TRPM3: variants seen among roughly 807,000 people sequenced by gnomAD.
TRPM3 encodes the protein long transient receptor potential channel 3.
A neutral mutation model predicts 181.2 loss-of-function variants in TRPM3; 77 were observed. The ratio of observed to expected loss-of-function variants is 0.42; its 90% CI spans 0.35 to 0.51. The LOEUF is 0.51. Ranked by LOEUF, TRPM3 falls within the 20% of genes least tolerant of loss-of-function variation. TRPM3 has a pLI of 0.01. For missense variants in TRPM3, 1,759 were observed against 2,196.7 expected, an observed-to-expected ratio of 0.80 and a Z score of 3.98; for synonymous variants, 745 against 796.4, an observed-to-expected ratio of 0.94 and a Z score of 1.09.
At chr9:70,929,374 A>G (rs1474605125) in intron 1 of TRPM3, among the ~76,000 whole-genome samples, 1 of 151,694 alleles carries the variant, frequency 6.6e-6, no homozygotes, top group East Asian at 1.9e-4. Flanking sequence ...GCTGATTTTT[A>G]TACTTTTAGT....
In TRPM3 at chr9:70,743,446, C is replaced by T. The variant is rs146185638; in HGVS notation, c.1272+18155G>A. ...TATATATGCAAATGAAAACATATCT[C>T]GGAAAACAAAAAGATGAATTTACAT... On this transcript the variant is annotated intron_variant, in intron 8 of 25. Transcript: ENST00000677713. 7.9e-4 allele frequency among the ~76,000 whole-genome samples: 120 copies of T among 152,148 alleles called. 2 individuals are homozygous for T. Among genetic ancestry groups the T allele is most frequent in the South Asian group, 3.3e-3 (16 of 4,816 alleles).
chr9:70,578,182 C>G (rs1220044829), intron 22 of TRPM3, among the ~76,000 whole-genome samples: 1 of 151,818 alleles, frequency 6.6e-6, no homozygotes, highest in Non-Finnish European at 1.5e-5. Context: ...GTTTGATTCC[C>G]CTTTGCGCTT....
chr9:70,680,051 C>G (rs188040518), intron 9 of TRPM3, among the ~76,000 whole-genome samples: 1 of 152,252 alleles, frequency 6.6e-6, no homozygotes, highest in Admixed American at 6.5e-5. Context: ...GATTGCAAAA[C>G]TTCTAAGTCG....
At chr9:70,665,550 G>C (rs977501459) in intron 9 of TRPM3, among the ~76,000 whole-genome samples, 1 of 152,164 alleles carries the variant, frequency 6.6e-6, no homozygotes, top group Non-Finnish European at 1.5e-5. Context: ...CTGCCATAAA[G>C]TCAGTCAGTA....
chr9:71,164,621 CAGTGA>C (rs2076446134), intron 1 of TRPM3, among the ~76,000 whole-genome samples: 1 of 151,954 alleles, frequency 6.6e-6, no homozygotes, highest in Non-Finnish European at 1.5e-5. Context: ...AGACAATTGT[CAGTGA>C]TTTTAAGGAG....
At chr9:70,953,348 C>G (rs2097025979) in intron 1 of TRPM3, among the ~76,000 whole-genome samples, 1 of 152,096 alleles carries the variant, frequency 6.6e-6, no homozygotes, top group Admixed American at 6.6e-5. Flanking sequence ...ATGAACCAGT[C>G]AGCCTTAGGG....
chr9:70,889,900 A>G (rs1589562057), intron 1 of TRPM3, among the ~76,000 whole-genome samples: 1 of 149,452 alleles, frequency 6.7e-6, no homozygotes, highest in East Asian at 1.9e-4. Context: ...CAGTATATAT[A>G]GTAAACAACA....
At chr9:71,291,189 T>G (rs1190750267) in intron 1 of TRPM3, among the ~76,000 whole-genome samples, 2 of 152,260 alleles carry the variant, frequency 1.3e-5, no homozygotes, top group Non-Finnish European at 2.9e-5. Context: ...ATAATTAAAC[T>G]GAAATCTTAA....
At chr9:71,377,326 A>G (rs2309898) in intron 1 of TRPM3, among the ~76,000 whole-genome samples, 74,128 of 151,868 alleles carry the variant, frequency 0.49, 19,131 homozygotes, top group East Asian at 0.6. Flanking sequence ...ATTAACCACC[A>G]TCCAAACACA....
At chr9:71,304,430 G>A (rs752513057) in intron 1 of TRPM3, among the ~76,000 whole-genome samples, 1 of 152,104 alleles carries the variant, frequency 6.6e-6, no homozygotes, top group Admixed American at 6.6e-5. Flanking sequence ...TGTAAGGACT[G>A]GTTTAAGCTG....
At position 70,553,210 on chromosome 9, in the gene TRPM3, G is replaced by A. The variant is rs772377550; in HGVS notation, c.3324C>T (p.Tyr1108=). The A allele has an allele frequency of 1.1e-4, 180 of 1,613,962 alleles. No homozygotes were observed. The highest frequency in any genetic ancestry group is 1.5e-4 in the Non-Finnish European group (174 of 1,180,032). ...CCAGCAAGATGTTTGCCACTAAGAG[G>A]TAGCAGGCCATGATGGCCGGCACGA... ...AWIVPAIMAC[Y]LLVANILLVN... Residue 1108 remains tyrosine (Y), a synonymous_variant, in exon 23 of 26, where the codon TAC becomes TAT. Coordinates refer to ENST00000677713, the MANE Select transcript of TRPM3 (RefSeq NM_001366145.2).
At chr9:70,745,230 T>C (rs559697013) in intron 8 of TRPM3, among the ~76,000 whole-genome samples, 36 of 152,260 alleles carry the variant, frequency 2.4e-4, no homozygotes, top group Non-Finnish European at 4.6e-4. Context: ...AACTAAGACA[T>C]ACGGAGGTTA....
At chr9:70,597,516 G>C (rs140714746) in intron 21 of TRPM3, among the ~76,000 whole-genome samples, 3 of 152,258 alleles carry the variant, frequency 2.0e-5, no homozygotes, top group Admixed American at 6.5e-5. Context: ...CTGGCTTCAG[G>C]CTCTGATTCT....
chr9:70,921,791 G>A (rs2096656124), intron 1 of TRPM3, among the ~76,000 whole-genome samples: 1 of 152,076 alleles, frequency 6.6e-6, no homozygotes, highest in Non-Finnish European at 1.5e-5. Context: ...AGGCCCACAT[G>A]TCAGGGAACA....
At chr9:71,191,384 C>A (rs1318387307) in intron 1 of TRPM3, among the ~76,000 whole-genome samples, 10 of 151,912 alleles carry the variant, frequency 6.6e-5, no homozygotes, top group Non-Finnish European at 1.2e-4. Context: ...AGTTCACTTT[C>A]TTCCACAATG....
At chr9:70,926,966 T>C (rs1400061038) in intron 1 of TRPM3, among the ~76,000 whole-genome samples, 3 of 152,206 alleles carry the variant, frequency 2.0e-5, no homozygotes, top group Non-Finnish European at 2.9e-5. Flanking sequence ...AAATTTCTAG[T>C]TTAAAGGTTA....
chr9:71,372,355 G>A (rs185239052), intron 1 of TRPM3, among the ~76,000 whole-genome samples: 1 of 152,170 alleles, frequency 6.6e-6, no homozygotes, highest in East Asian at 1.9e-4. Context: ...CCCAGTAATG[G>A]AATTGCTGGG....
chr9:70,909,947 G>C (rs1266709301), intron 1 of TRPM3, among the ~76,000 whole-genome samples: 1 of 152,176 alleles, frequency 6.6e-6, no homozygotes, highest in East Asian at 1.9e-4. Flanking sequence ...TTTAAATACA[G>C]AGTGGAGTGT....
intron 1 of TRPM3, among the ~76,000 whole-genome samples, chr9:71,116,624 A>G (rs149675535): frequency 4.6e-5 from 7 of 152,232 alleles, no homozygotes; most frequent in African/African-American, 1.4e-4. Context: ...TGATAACCCA[A>G]CCTGATCATT....
Sources: allele counts gnomAD v4.1 joint callset (sites outside exome capture counted in the v4.1 genomes callset), GRCh38; gene constraint gnomAD v4.1.1; transcripts MANE v1.5; gene names NCBI Gene and HGNC (gene_info 2026-07-23, HGNC 2026-07-21).